ELOVL7: variants seen among roughly 807,000 people sequenced by gnomAD.
ELOVL7 encodes the protein ELOVL fatty acid elongase 7.
In ELOVL7, 27 loss-of-function variants were observed where a neutral mutation model predicts 35.7. That is an observed-to-expected ratio of 0.76 (90% confidence interval 0.56 to 1.04). The LOEUF is 1.04. ELOVL7 is among the 50% of genes least tolerant of loss of function. ELOVL7 has a pLI of 0.00. For synonymous variants in ELOVL7, 113 were observed against 114.6 expected (o/e 0.99, Z 0.09); for missense variants, 327 against 340.8 (o/e 0.96, Z 0.32).
At chr5:60,800,684 C>A (rs1744556357) in intron 1 of ELOVL7, among the ~76,000 whole-genome samples, 1 of 152,170 alleles carries the variant, frequency 6.6e-6, no homozygotes, top group Non-Finnish European at 1.5e-5. Context: ...ATTCTGAAGT[C>A]TCTTCTCTTG....
At position 60,796,246 on chromosome 5, in the gene ELOVL7, T is replaced by C. The variant is rs540956734; in HGVS notation, c.-35+2934A>G. ...ACTCTCGTCCCCATCCTTTATACTTTAGCAGAAACAAAATCTCAAAGAGGC... is the reference window on the plus strand; with the variant it reads ...ACTCTCGTCCCCATCCTTTATACTTCAGCAGAAACAAAATCTCAAAGAGGC... On this transcript the variant is annotated intron_variant, in intron 2 of 8. Transcript: ENST00000508821. Among the ~76,000 whole-genome samples, 12 of 152,338 alleles carry C rather than the reference T, an allele frequency of 7.9e-5. No homozygotes were observed. The East Asian group carries it at 1.9e-3, about 24-fold the overall frequency.
intron 1 of ELOVL7, among the ~76,000 whole-genome samples, chr5:60,820,872 T>C (rs1054797143): frequency 2.6e-5 from 4 of 152,184 alleles, no homozygotes; most frequent in African/African-American, 4.8e-5. Context: ...CTGAGCTTTA[T>C]CATCTCTTGG....
chr5:60,794,626 G>A (rs977614564), intron 2 of ELOVL7, among the ~76,000 whole-genome samples: 1 of 152,244 alleles, frequency 6.6e-6, no homozygotes, highest in Admixed American at 6.5e-5. Context: ...CACTGTACCT[G>A]AGGGAAAGGA....
At chr5:60,798,735 G>C (rs1482358937) in intron 2 of ELOVL7, among the ~76,000 whole-genome samples, 1 of 152,144 alleles carries the variant, frequency 6.6e-6, no homozygotes, top group African/African-American at 2.4e-5. Context: ...TGAAAAGAGA[G>C]AGAGACTACA....
chr5:60,788,636 G>A (rs906839122), intron 2 of ELOVL7, among the ~76,000 whole-genome samples: 3 of 137,842 alleles, frequency 2.2e-5, no homozygotes, highest in Admixed American at 7.3e-5. Flanking sequence ...CCAGCTAGGC[G>A]TGGTGACGGG....
chr5:60,837,141 G>C (rs1228827003), intron 1 of ELOVL7, among the ~76,000 whole-genome samples: 2 of 151,718 alleles, frequency 1.3e-5, no homozygotes, highest in Non-Finnish European at 2.9e-5. Context: ...CAAGTAAAGA[G>C]ACTCACTGCA....
intron 3 of ELOVL7, among the ~76,000 whole-genome samples, chr5:60,782,851 A>G (rs1743344640): frequency 1.3e-5 from 2 of 152,226 alleles, no homozygotes; most frequent in Non-Finnish European, 2.9e-5. Flanking sequence ...CAACAGAAGA[A>G]ATATCTTTTT....
intron 1 of ELOVL7, among the ~76,000 whole-genome samples, chr5:60,836,049 CG>C (rs1230728699): frequency 6.6e-6 from 1 of 151,948 alleles, no homozygotes; most frequent in African/African-American, 2.4e-5. Context: ...TAGATGTCAA[CG>C]GTATTGTATT....
At chr5:60,807,907 G>A (rs894244581) in intron 1 of ELOVL7, among the ~76,000 whole-genome samples, 1 of 147,466 alleles carries the variant, frequency 6.8e-6, no homozygotes, top group Non-Finnish European at 1.5e-5. Flanking sequence ...GCTGTGGCAG[G>A]AGCATGGTGT....
chr5:60,806,746 A>G (rs1294637253), intron 1 of ELOVL7, among the ~76,000 whole-genome samples: 2 of 152,136 alleles, frequency 1.3e-5, no homozygotes, highest in Non-Finnish European at 2.9e-5. Context: ...GTGAACTGCC[A>G]TCTTTATGTT....
intron 1 of ELOVL7, among the ~76,000 whole-genome samples, chr5:60,818,115 C>T (rs772041965): frequency 2.6e-5 from 4 of 151,496 alleles, no homozygotes; most frequent in African/African-American, 4.9e-5. Flanking sequence ...GTCAGGAGTT[C>T]GAGACCAGCC....
intron 7 of ELOVL7, among the ~76,000 whole-genome samples, chr5:60,761,018 T>C (rs1489267760): frequency 6.9e-6 from 1 of 145,746 alleles, no homozygotes; most frequent in Non-Finnish European, 1.5e-5. Context: ...TTATGATTAT[T>C]TTCTGACAAG....
intron 1 of ELOVL7, among the ~76,000 whole-genome samples, chr5:60,836,119 A>C (rs6881713): frequency 0.02 from 3,099 of 151,542 alleles, 184 homozygotes; most frequent in African/African-American, 0.071. Flanking sequence ...CACCTACAGA[A>C]AGGGCAATTG....
At chr5:60,771,425 C>A (rs1742583575) in intron 4 of ELOVL7, among the ~76,000 whole-genome samples, 1 of 152,192 alleles carries the variant, frequency 6.6e-6, no homozygotes, top group African/African-American at 2.4e-5. Flanking sequence ...TCTGTCCCCA[C>A]AAAGCCCAGC....
intron 4 of ELOVL7, chr5:60,768,735 T>C (rs961369050): frequency 1.8e-5 from 8 of 455,156 alleles, no homozygotes; most frequent in African/African-American, 1.2e-4. Context: ...TTAACACATA[T>C]ATGAAATTGT....
chr5:60,758,759 G>A (rs928648954), intron 7 of ELOVL7, among the ~76,000 whole-genome samples: 3 of 152,160 alleles, frequency 2.0e-5, no homozygotes, highest in African/African-American at 4.8e-5. Context: ...CCTGGGGTCC[G>A]TTTCCTAAGA....
chr5:60,812,817 G>A (rs1745309409), intron 1 of ELOVL7, among the ~76,000 whole-genome samples: 1 of 152,146 alleles, frequency 6.6e-6, no homozygotes, highest in African/African-American at 2.4e-5. Flanking sequence ...GGCTTCCACA[G>A]TATAGCATTC....
intron 2 of ELOVL7, among the ~76,000 whole-genome samples, chr5:60,794,422 A>T (rs1365285046): frequency 3.3e-5 from 5 of 152,224 alleles, no homozygotes; most frequent in South Asian, 2.1e-4. Context: ...TTTTTGCCCA[A>T]GTCTATCTCA....
Position 60,802,962 on chromosome 5 carries a change from C to T in ELOVL7, c.-85-3732G>A, listed in dbSNP as rs79897166. Reference sequence around the variant, plus strand: ...GCAAAATTCTCTTTTGTCATTTTTACGGAAAAAGACAGTAGCAACCCTTCC... The same window carrying T: ...GCAAAATTCTCTTTTGTCATTTTTATGGAAAAAGACAGTAGCAACCCTTCC... On this transcript the variant is annotated intron_variant, in intron 1 of 8. Coordinates refer to ENST00000508821, the MANE Select transcript of ELOVL7 (RefSeq NM_024930.3). 6.1e-3 allele frequency among the ~76,000 whole-genome samples: 929 copies of T among 152,192 alleles called. 13 individuals carry two copies. Among genetic ancestry groups the T allele is most frequent in the African/African-American group, 0.019 (809 of 41,514 alleles).
Sources: gnomAD v4.1 joint callset for allele counts (sites outside exome capture counted in the v4.1 genomes callset) on GRCh38, gnomAD v4.1.1 for gene constraint, MANE v1.5 for transcripts, NCBI Gene and HGNC (gene_info 2026-07-23, HGNC 2026-07-21) for gene names.